Variants in DCAF17 observed in about 807,000 individuals in gnomAD.
The protein encoded by DCAF17 is DDB1 and CUL4 associated factor 17, also known as DDB1- and CUL4-associated factor 17.
Under a neutral mutation model 66.0 loss-of-function variants are expected in DCAF17, and 48 were observed. The observed-to-expected ratio is 0.73, with a 90% CI of 0.58 to 0.92. The LOEUF (loss-of-function observed/expected upper bound fraction) is 0.92, where lower values mean the gene tolerates loss of function less well. Among genes scored for constraint, DCAF17 ranks in the 40% least tolerant of loss-of-function variants. The pLI is 0.00. For missense variants in DCAF17, 562 were observed against 622.8 expected, an observed-to-expected ratio of 0.90 and a Z score of 1.04; for synonymous variants, 206 against 214.6, an observed-to-expected ratio of 0.96 and a Z score of 0.35.
At chr2:171,443,339 T>C in intron 2 of DCAF17, 184 bp from the exon 3 acceptor site, 1 of 520,866 alleles carries the variant, frequency 1.9e-6, no homozygotes, top group Non-Finnish European at 3.3e-6. Flanking sequence ...GTAAACTATT[T>C]TAATCTTGTT....
intron 2 of DCAF17, 65 bp from the exon 3 acceptor site, chr2:171,443,458 C>A: frequency 7.0e-7 from 1 of 1,422,464 alleles, no homozygotes; most frequent in Non-Finnish European, 9.8e-7. Flanking sequence ...AATAGTCTCT[C>A]AAACCTGAAC....
intron 3 of DCAF17, 75 bp downstream of exon 3, chr2:171,443,688 C>T (rs1694447991): frequency 8.4e-7 from 1 of 1,190,728 alleles, no homozygotes; most frequent in Non-Finnish European, 1.2e-6. Flanking sequence ...TAACATATTG[C>T]ATAAAATAAT....
intron 8 of DCAF17, among the ~76,000 whole-genome samples, chr2:171,466,780 T>TATTATTTATATATTAAATTTCAC: frequency 6.6e-6 from 1 of 151,356 alleles, no homozygotes; most frequent in Non-Finnish European, 1.5e-5. Context: ...TTGAATTTCA[T>TATTATTTATATATTAAATTTCAC]ATTCTTTATA....
At position 171,484,549 on chromosome 2, in the gene DCAF17, T is replaced by C. The variant is rs780733984; in HGVS notation, c.*3435T>C. 3 of 452,334 alleles carry C rather than the reference T, an allele frequency of 6.6e-6. No individual in the cohort carries two copies. Among genetic ancestry groups the C allele is most frequent in the South Asian group, 3.1e-5 (2 of 63,558 alleles). 28.0% of individuals were successfully genotyped at this position (452,334 alleles called of 1,614,324 possible). ...TCCCCCTAGTACTTCAACTGCAGAT[T>C]ATTAACTAGAGTTTAGTATTTATTT... On this transcript the variant is annotated 3_prime_UTR_variant, in exon 14 of 14. Coordinates refer to ENST00000375255, the MANE Select transcript of DCAF17 (RefSeq NM_025000.4).
rs1179035573 is a variant in DCAF17 at position 171,460,543 on chromosome 2, A to ATTATGT, written c.838+2066_838+2067insTTATGT. 5.9e-5 allele frequency among the ~76,000 whole-genome samples: 8 copies of ATTATGT among 136,484 alleles called. No homozygotes were observed. In the East Asian group the frequency reaches 8.5e-4, roughly 15 times the overall value. 89.5% of individuals were successfully genotyped at this position (136,484 alleles called of 152,430 possible). A position where few individuals can be genotyped will look rare whatever the true frequency, so the allele number is the denominator to read the frequency against. ...TATTATTATTATTATTATTATTATT[A>ATTATGT]ATTTTGAGACAGGGTCTCACTCTGT... On this transcript the variant is annotated intron_variant, in intron 8 of 13. Coordinates refer to ENST00000375255, the MANE Select transcript of DCAF17 (RefSeq NM_025000.4).
chr2:171,448,489 A>G (rs1168262135), intron 3 of DCAF17, among the ~76,000 whole-genome samples, 192 bp from the exon 4 acceptor site: 2 of 152,220 alleles, frequency 1.3e-5, no homozygotes, highest in East Asian at 1.9e-4. Context: ...AATAAACTCA[A>G]TAAGTGATGA....
intron 8 of DCAF17, 92 bp downstream of exon 8, chr2:171,458,569 T>C: frequency 9.6e-7 from 1 of 1,047,026 alleles, no homozygotes; most frequent in South Asian, 1.4e-5. Flanking sequence ...GTTTTTCTCA[T>C]TTATTTAAAA....
intron 8 of DCAF17, among the ~76,000 whole-genome samples, chr2:171,466,203 A>G (rs756259473): frequency 6.6e-6 from 1 of 152,182 alleles, no homozygotes; most frequent in Non-Finnish European, 1.5e-5. Context: ...GAAGAAATAT[A>G]TCAAGTTAAT....
rs771886950 is a variant in DCAF17 at position 171,435,153 on chromosome 2, T to C, written c.197T>C (p.Ile66Thr). The change falls in exon 2 of 14, where the codon ATA becomes ACA. Residue 66 changes from isoleucine (I) to threonine (T), a missense_variant. Transcript: ENST00000375255. Reference protein sequence around the residue: ...RSPIAYERGRIYFDNYRRCVS... With the variant: ...RSPIAYERGRTYFDNYRRCVS... ...CCTATAGCCTATGAGAGAGGAAGAA[T>C]ATATTTTGACAATTATCGGCGCTGT... 3.1e-6 allele frequency: 5 copies of C among 1,613,484 alleles called. No individual in the cohort carries two copies. Among genetic ancestry groups the C allele is most frequent in the Non-Finnish European group, 4.2e-6 (5 of 1,179,582 alleles).
At chr2:171,443,044 A>G (rs1291664125) in intron 2 of DCAF17, 3 of 152,082 alleles carry the variant, frequency 2.0e-5, no homozygotes, top group Non-Finnish European at 2.9e-5. Flanking sequence ...AAAAAAAAAA[A>G]CCATAAAGGG....
At chr2:171,458,936 C>G (rs1423042798) in intron 8 of DCAF17, among the ~76,000 whole-genome samples, 1 of 152,088 alleles carries the variant, frequency 6.6e-6, no homozygotes, top group Non-Finnish European at 1.5e-5. Flanking sequence ...AGTGCCAAAT[C>G]ACAAAAAGAA....
chr2:171,445,946 G>A (rs1430654964), intron 3 of DCAF17, among the ~76,000 whole-genome samples: 3 of 152,146 alleles, frequency 2.0e-5, no homozygotes, highest in Non-Finnish European at 4.4e-5. Context: ...GCCTCCCAAA[G>A]TGCTGGGATT....
Position 171,434,433 on chromosome 2 carries a change from G to A in DCAF17, c.-145G>A. 7.0e-7 allele frequency: 1 copy of A among 1,418,678 alleles called. No homozygotes were observed. Among genetic ancestry groups the A allele is most frequent in the South Asian group, 1.2e-5 (1 of 81,034 alleles). The allele number at this position is 1,418,678 out of a possible 1,614,324, so 87.9% of individuals were successfully genotyped here. The stretch of plus-strand genomic sequence containing the variant: ...CTCGCCCCGCCGTCGGGTGCTCCCT[G>A]CCCGCCTCCCCGTGTCAGCTTTCCC... On this transcript the variant is annotated 5_prime_UTR_variant, in exon 1 of 14. Coordinates refer to ENST00000375255, the MANE Select transcript of DCAF17 (RefSeq NM_025000.4).
In DCAF17 at chr2:171,453,133, C is replaced by A; in HGVS notation, c.547C>A (p.Gln183Lys). ...TAGTCTTTCCTTCTAGGCAGGCATTCAACAACATGTTTTGCTGTACCTTGC... is the reference window on the plus strand; with the variant it reads ...TAGTCTTTCCTTCTAGGCAGGCATTAAACAACATGTTTTGCTGTACCTTGC... ...GSAVARQAGI[Q>K]QHVLLYLAVF... Residue 183 changes from glutamine (Q) to lysine (K), a missense_variant, in exon 6 of 14, where the codon CAA becomes AAA. Gln to Lys is a moderately conservative substitution (Grantham distance 53, BLOSUM62 1). Coordinates refer to ENST00000375255, the MANE Select transcript of DCAF17 (RefSeq NM_025000.4). 6.2e-7 allele frequency: 1 copy of A among 1,608,050 alleles called. No homozygotes were observed. Among genetic ancestry groups the A allele is most frequent in the South Asian group, 1.1e-5 (1 of 89,566 alleles).
In DCAF17 at chr2:171,443,583, A is replaced by G. The variant is rs750038271; in HGVS notation, c.291A>G (p.Ile97Met). 2.5e-6 allele frequency: 4 copies of G among 1,613,180 alleles called. No individual in the cohort carries two copies. The highest frequency in any genetic ancestry group is 3.4e-6 in the Non-Finnish European group (4 of 1,179,478). Residue 97 changes from isoleucine to methionine, a missense_variant, in exon 3 of 14, where the codon ATA becomes ATG. Ile to Met is a conservative substitution (Grantham distance 10). Transcript: ENST00000375255. ...EMPKCSKSEKIEDALLWECPV... is the reference protein window; with the variant it reads ...EMPKCSKSEKMEDALLWECPV... Reference sequence around the variant, plus strand: ...CAAAATGTTCCAAATCAGAAAAAATAGAGGATGCTTTATTATGGGAATGCC... The same window carrying G: ...CAAAATGTTCCAAATCAGAAAAAATGGAGGATGCTTTATTATGGGAATGCC...
intron 2 of DCAF17, among the ~76,000 whole-genome samples, chr2:171,436,117 C>T (rs1357753696): frequency 6.6e-6 from 1 of 152,120 alleles, no homozygotes; most frequent in African/African-American, 2.4e-5. Context: ...TTTCACTTTG[C>T]GTGTTTTCAA....
chr2:171,463,235 A>C (rs1695697327), intron 8 of DCAF17, among the ~76,000 whole-genome samples: 2 of 151,922 alleles, frequency 1.3e-5, no homozygotes, highest in African/African-American at 4.8e-5. Context: ...AAAAAAAAAA[A>C]AAAAACAGAA....
At chr2:171,443,224 T>C (rs1200716351) in intron 2 of DCAF17, 1 of 211,394 alleles carries the variant, frequency 4.7e-6, no homozygotes, top group Non-Finnish European at 9.5e-6. Context: ...GAATTTAATA[T>C]GAACCATTTT....
At chr2:171,449,505 T>C (rs1421483892) in intron 4 of DCAF17, among the ~76,000 whole-genome samples, 2 of 152,236 alleles carry the variant, frequency 1.3e-5, no homozygotes, top group African/African-American at 4.8e-5. Flanking sequence ...AACTATTAGT[T>C]TTATAAATTA....
Sources: gnomAD v4.1 joint callset for allele counts (sites outside exome capture counted in the v4.1 genomes callset) on GRCh38, gnomAD v4.1.1 for gene constraint, MANE v1.5 for transcripts, NCBI Gene and HGNC (gene_info 2026-07-23, HGNC 2026-07-21) for gene names.